LRRC4C: variants seen among roughly 807,000 people sequenced by gnomAD.
LRRC4C encodes the protein leucine rich repeat containing 4C.
In LRRC4C, 5 loss-of-function variants were observed where a neutral mutation model predicts 33.6. The ratio of observed to expected loss-of-function variants is 0.15; its 90% confidence interval spans 0.08 to 0.31. The LOEUF (loss-of-function observed/expected upper bound fraction) is 0.31, where lower values mean the gene tolerates loss of function less well. Among genes scored for constraint, LRRC4C ranks in the 10% least tolerant of loss-of-function variants. The pLI is 1.00. For synonymous variants in LRRC4C, 329 were observed against 302.0 expected (o/e 1.09, Z -0.93); for missense variants, 560 against 796.7 (o/e 0.70, Z 3.58).
At chr11:41,430,684 A>G (rs1248633188) in intron 1 of LRRC4C, among the ~76,000 whole-genome samples, 1 of 152,180 alleles carries the variant, frequency 6.6e-6, no homozygotes, top group African/African-American at 2.4e-5. Context: ...TTTGGAGAAA[A>G]TAACTTGTTC....
chr11:40,954,307 A>C (rs1958852663), intron 1 of LRRC4C, among the ~76,000 whole-genome samples: 1 of 151,814 alleles, frequency 6.6e-6, no homozygotes, highest in African/African-American at 2.4e-5. Flanking sequence ...CAACAAAGAA[A>C]CCTCTCCTGA....
At chr11:40,267,909 G>A (rs1942399457) in intron 4 of LRRC4C, among the ~76,000 whole-genome samples, 1 of 152,100 alleles carries the variant, frequency 6.6e-6, no homozygotes, top group South Asian at 2.1e-4. Flanking sequence ...TTAACTTCCT[G>A]CAATTACTGA....
chr11:41,450,356 T>A (rs1001553328), intron 1 of LRRC4C, among the ~76,000 whole-genome samples: 7 of 152,094 alleles, frequency 4.6e-5, no homozygotes, highest in African/African-American at 1.7e-4. Context: ...TGTTTACATT[T>A]AAAAAAATGT....
At chr11:41,402,297 T>A (rs935202962) in intron 1 of LRRC4C, among the ~76,000 whole-genome samples, 8 of 152,140 alleles carry the variant, frequency 5.3e-5, no homozygotes, top group African/African-American at 1.4e-4. Flanking sequence ...ATCCATCAAA[T>A]AGTAACCAAT....
At chr11:40,929,754 T>C (rs947646703) in intron 2 of LRRC4C, among the ~76,000 whole-genome samples, 3 of 152,124 alleles carry the variant, frequency 2.0e-5, no homozygotes, top group African/African-American at 7.2e-5. Flanking sequence ...AGCTAGTTAT[T>C]CAATTCTTAA....
chr11:40,610,912 C>T (rs1961151915), intron 3 of LRRC4C, among the ~76,000 whole-genome samples: 1 of 151,696 alleles, frequency 6.6e-6, no homozygotes, highest in Admixed American at 6.6e-5. Flanking sequence ...TGTCAATGGA[C>T]TGAAAGATTC....
At chr11:40,990,572 T>G (rs1011369200) in intron 1 of LRRC4C, among the ~76,000 whole-genome samples, 5 of 151,982 alleles carry the variant, frequency 3.3e-5, no homozygotes, top group Non-Finnish European at 5.9e-5. Context: ...TAGATCCTCT[T>G]AGGGATCCCA....
intron 2 of LRRC4C, among the ~76,000 whole-genome samples, chr11:40,768,618 C>T (rs1422688264): frequency 1.3e-5 from 2 of 152,052 alleles, no homozygotes; most frequent in Non-Finnish European, 2.9e-5. Context: ...AATTCAACAA[C>T]ATATTGAAAG....
chr11:40,267,540 A>T (rs1942369991), intron 4 of LRRC4C, among the ~76,000 whole-genome samples: 1 of 151,978 alleles, frequency 6.6e-6, no homozygotes, highest in South Asian at 2.1e-4. Context: ...TTCAGTAGAG[A>T]TGGGGTTTCA....
chr11:40,148,949 A>C (rs570614084), intron 5 of LRRC4C, among the ~76,000 whole-genome samples: 2 of 152,290 alleles, frequency 1.3e-5, no homozygotes, highest in Admixed American at 6.5e-5. Context: ...TCCTTTCCAC[A>C]TTGCTTGTTT....
chr11:40,786,031 T>G (rs2137322963), intron 2 of LRRC4C, among the ~76,000 whole-genome samples: 1 of 152,344 alleles, frequency 6.6e-6, no homozygotes, highest in Non-Finnish European at 1.5e-5. Flanking sequence ...CTATTTTCTT[T>G]CCCATCATTT....
At chr11:41,395,844 T>A (rs1242849280) in intron 1 of LRRC4C, among the ~76,000 whole-genome samples, 1 of 152,006 alleles carries the variant, frequency 6.6e-6, no homozygotes, top group Non-Finnish European at 1.5e-5. Flanking sequence ...AATACCAATC[T>A]TCTAACCAAA....
chr11:40,747,712 T>A (rs1421708042), intron 2 of LRRC4C, among the ~76,000 whole-genome samples: 2 of 151,376 alleles, frequency 1.3e-5, no homozygotes, highest in Middle Eastern at 3.2e-3. Context: ...GAAAAAGATA[T>A]CATAAAAAAG....
chr11:41,277,401 T>C lies in LRRC4C; in HGVS notation c.-496+182030A>G, dbSNP rs538477747. ...AACTTTTAGAAGAAGTATCTAAGTA[T>C]ATTATTTCTTTTTAAAGTTCTTCTA... On this transcript the variant is annotated intron_variant, in intron 1 of 6. Transcript: ENST00000528697. 2.6e-5 allele frequency among the ~76,000 whole-genome samples: 4 copies of C among 152,334 alleles called. No individual in the cohort carries two copies. In the South Asian group the frequency reaches 8.3e-4, roughly 32 times the overall value.
chr11:40,443,596 C>T (rs1175429588), intron 3 of LRRC4C, among the ~76,000 whole-genome samples: 1 of 152,144 alleles, frequency 6.6e-6, no homozygotes, highest in Non-Finnish European at 1.5e-5. Flanking sequence ...AGTAAAGTAC[C>T]CTGAGGAGAC....
At chr11:40,631,418 G>C (rs1963469498) in intron 3 of LRRC4C, among the ~76,000 whole-genome samples, 1 of 152,162 alleles carries the variant, frequency 6.6e-6, no homozygotes, top group Admixed American at 6.5e-5. Flanking sequence ...CTTTGAAACT[G>C]ATGAAGATGT....
At chr11:41,377,977 T>C (rs1325471660) in intron 1 of LRRC4C, among the ~76,000 whole-genome samples, 4 of 152,134 alleles carry the variant, frequency 2.6e-5, no homozygotes, top group Non-Finnish European at 5.9e-5. Flanking sequence ...CGGGTTAATA[T>C]TGAGGCTCCT....
At chr11:41,270,423 T>C (rs1949283637) in intron 1 of LRRC4C, among the ~76,000 whole-genome samples, 1 of 152,102 alleles carries the variant, frequency 6.6e-6, no homozygotes, top group Admixed American at 6.6e-5. Context: ...CCAGGTCACA[T>C]ATGTGAAAGA....
intron 3 of LRRC4C, among the ~76,000 whole-genome samples, chr11:40,487,598 T>C (rs1953928644): frequency 6.6e-6 from 1 of 151,672 alleles, no homozygotes; most frequent in Admixed American, 6.6e-5. Flanking sequence ...TTTGAAGAAC[T>C]TGTCAACTAG....
Sources: gnomAD v4.1 joint callset for allele counts (sites outside exome capture counted in the v4.1 genomes callset) on GRCh38, gnomAD v4.1.1 for gene constraint, MANE v1.5 for transcripts, NCBI Gene and HGNC (gene_info 2026-07-23, HGNC 2026-07-21) for gene names.